The following ATP5F1C variants were observed in gnomAD, a reference collection of about 807,000 sequenced individuals.
ATP5F1C encodes ATP synthase F1 subunit gamma.
In ATP5F1C, 22 loss-of-function variants were observed where a neutral mutation model predicts 37.4. The ratio of observed to expected loss-of-function variants is 0.59; its 90% confidence interval spans 0.42 to 0.84. The LOEUF is 0.84. Among genes scored for constraint, ATP5F1C ranks in the 40% least tolerant of loss-of-function variants. The probability of loss-of-function intolerance (pLI) is 0.00; values close to 1 mark genes in which losing one functional copy is unlikely to be tolerated. For synonymous variants in ATP5F1C, 121 were observed against 128.0 expected, an observed-to-expected ratio of 0.95 and a Z score of 0.37; for missense variants, 286 against 362.4, an observed-to-expected ratio of 0.79 and a Z score of 1.71.
intron 9 of ATP5F1C, 105 bp downstream of exon 9, chr10:7,807,115 T>C (rs1314124700): frequency 3.6e-6 from 4 of 1,101,618 alleles, no homozygotes; most frequent in Non-Finnish European, 5.1e-6. Context: ...GAGATTTAGA[T>C]GGATGGGCCA....
intron 1 of ATP5F1C, among the ~76,000 whole-genome samples, chr10:7,795,817 G>A (rs1836228361): frequency 6.6e-6 from 1 of 152,170 alleles, no homozygotes; most frequent in South Asian, 2.1e-4. Flanking sequence ...TTCTGTCATG[G>A]AAACAAGATA....
chr10:7,804,596 C>G (rs1836437774), intron 8 of ATP5F1C, among the ~76,000 whole-genome samples: 1 of 152,226 alleles, frequency 6.6e-6, no homozygotes, highest in Non-Finnish European at 1.5e-5. Context: ...CTGAGTGAGG[C>G]AGCCTTCTGC....
At chr10:7,792,128 T>C (rs1288216707) in intron 1 of ATP5F1C, among the ~76,000 whole-genome samples, 1 of 152,226 alleles carries the variant, frequency 6.6e-6, no homozygotes, top group African/African-American at 2.4e-5. Context: ...CAAAAACTGG[T>C]ATTACTTTTC....
intron 2 of ATP5F1C, chr10:7,796,417 G>A (rs1836236667): frequency 3.3e-6 from 1 of 304,758 alleles, no homozygotes; most frequent in Non-Finnish European, 6.1e-6. Context: ...GTAGGTGGGT[G>A]TATGTGTGGG....
In ATP5F1C at chr10:7,796,162, ATGT is replaced by A. The variant is rs1448921928; in HGVS notation, c.91+12_91+14del. On this transcript the variant is annotated splice_region_variant and intron_variant, in intron 2 of 9. Transcript: ENST00000356708. The stretch of plus-strand genomic sequence containing the variant: ...ATGGCAACTTTGAAAGATAGTAAGT[ATGT>A]TGTTTGTCTCAATATGTGAATTGAG... 2.5e-6 allele frequency: 4 copies of A among 1,585,230 alleles called. No homozygotes were observed. Among genetic ancestry groups the A allele is most frequent in the Non-Finnish European group, 3.4e-6 (4 of 1,170,426 alleles).
At chr10:7,790,410 A>G (rs1836144538) in intron 1 of ATP5F1C, among the ~76,000 whole-genome samples, 1 of 152,238 alleles carries the variant, frequency 6.6e-6, no homozygotes, top group Non-Finnish European at 1.5e-5. Context: ...AAAGCAGCAT[A>G]TAAGAAAATG....
Position 7,800,064 on chromosome 10 carries a change from T to C in ATP5F1C, c.610T>C (p.Phe204Leu), listed in dbSNP as rs770695137. The change falls in exon 6 of 10, where the codon TTT becomes CTT. Residue 204 changes from phenylalanine to leucine, a missense_variant. By Grantham distance (22) the Phe-to-Leu change is conservative. Transcript: ENST00000356708. Reference protein sequence around the residue: ...ISYKTEEKPIFSLNTVASADS... With the variant: ...ISYKTEEKPILSLNTVASADS... ...CTATAAGACAGAAGAAAAGCCCATC[T>C]TTTCCCTTAATACCGTTGCAAGTGC... 6.2e-7 allele frequency: 1 copy of C among 1,614,076 alleles called. No homozygotes were observed. The highest frequency in any genetic ancestry group is 8.5e-7 in the Non-Finnish European group (1 of 1,180,020).
intron 4 of ATP5F1C, 144 bp downstream of exon 4, chr10:7,799,338 G>A (rs1335083750): frequency 1.0e-5 from 7 of 697,486 alleles, no homozygotes; most frequent in South Asian, 3.9e-5. Flanking sequence ...ACAAGGGGGT[G>A]TTTGTTTCCT....
chr10:7,798,856 C>T (rs1836293208), intron 3 of ATP5F1C, 134 bp from the exon 4 acceptor site: 1 of 801,186 alleles, frequency 1.2e-6, no homozygotes, highest in South Asian at 1.8e-5. Context: ...CCTAAGAACA[C>T]CTGCTTACAC....
intron 1 of ATP5F1C, among the ~76,000 whole-genome samples, chr10:7,794,595 T>C (rs982180549): frequency 6.6e-6 from 1 of 152,144 alleles, no homozygotes; most frequent in Non-Finnish European, 1.5e-5. Context: ...TGGATGCTTT[T>C]TCTGCACCTA....
chr10:7,801,997 A>G (rs1357594257), intron 6 of ATP5F1C, among the ~76,000 whole-genome samples: 1 of 152,228 alleles, frequency 6.6e-6, no homozygotes, highest in East Asian at 1.9e-4. Flanking sequence ...CACGAGATAT[A>G]GTGCAGTTAT....
chr10:7,798,003 A>C (rs1191509847), intron 3 of ATP5F1C, among the ~76,000 whole-genome samples: 3 of 152,188 alleles, frequency 2.0e-5, no homozygotes, highest in African/African-American at 7.2e-5. Flanking sequence ...TTTCTATTTT[A>C]ACTTGTAATT....
intron 1 of ATP5F1C, among the ~76,000 whole-genome samples, chr10:7,792,749 T>G (rs888935768): frequency 6.6e-6 from 1 of 152,254 alleles, no homozygotes; most frequent in Admixed American, 6.5e-5. Flanking sequence ...GATTATCCAT[T>G]CATGTATTGA....
intron 1 of ATP5F1C, among the ~76,000 whole-genome samples, chr10:7,789,761 T>TA (rs1350427914): frequency 5.9e-5 from 9 of 152,244 alleles, no homozygotes; most frequent in African/African-American, 2.2e-4. Context: ...AGTTGATCTT[T>TA]AAAAAAGTGG....
chr10:7,789,626 C>G (rs1836127313), intron 1 of ATP5F1C, among the ~76,000 whole-genome samples: 1 of 152,174 alleles, frequency 6.6e-6, no homozygotes, highest in Non-Finnish European at 1.5e-5. Context: ...TAGATAAGGT[C>G]TCAGTCAGTT....
intron 1 of ATP5F1C, among the ~76,000 whole-genome samples, chr10:7,790,917 A>G (rs957947960): frequency 2.0e-5 from 3 of 152,384 alleles, no homozygotes; most frequent in Non-Finnish European, 4.4e-5. Flanking sequence ...CAAATGCTGT[A>G]TATCAGTAGA....
chr10:7,797,192 G>A lies in ATP5F1C; in HGVS notation c.223+14G>A, dbSNP rs755246223. ...TGGGATCTTTAGGTAAGGGAAGAGT[G>A]TAATTCACAAATTAGGAAGAACTGT... On this transcript the variant is annotated intron_variant, in intron 3 of 9. Transcript: ENST00000356708. 8 of 1,609,906 alleles carry A rather than the reference G, an allele frequency of 5.0e-6. No homozygotes were observed. The East Asian group carries it at 1.8e-4, about 36-fold the overall frequency.
intron 8 of ATP5F1C, among the ~76,000 whole-genome samples, chr10:7,803,292 A>G (rs912100461): frequency 6.6e-6 from 1 of 152,164 alleles, no homozygotes; most frequent in African/African-American, 2.4e-5. Context: ...GTACCAAAAG[A>G]TAGTATAGCC....
chr10:7,801,318 G>T (rs1836362156), intron 6 of ATP5F1C, among the ~76,000 whole-genome samples: 1 of 152,056 alleles, frequency 6.6e-6, no homozygotes, highest in Non-Finnish European at 1.5e-5. Context: ...AATAAAGTAG[G>T]TGTTACAACC....
Sources: gnomAD v4.1 joint callset for allele counts (sites outside exome capture counted in the v4.1 genomes callset) on GRCh38, gnomAD v4.1.1 for gene constraint, MANE v1.5 for transcripts, NCBI Gene and HGNC (gene_info 2026-07-23, HGNC 2026-07-21) for gene names.